The following TUBGCP2 variants were observed in gnomAD, a reference collection of about 807,000 sequenced individuals.
TUBGCP2 encodes gamma-tubulin complex component 2.
TUBGCP2 carries 55 observed loss-of-function variants against 92.2 expected under a neutral mutation model. The observed-to-expected ratio is 0.60, with a 90% CI of 0.48 to 0.75. TUBGCP2 has a LOEUF of 0.75. Among genes scored for constraint, TUBGCP2 ranks in the 30% least tolerant of loss-of-function variants. The pLI, the probability that TUBGCP2 is intolerant of heterozygous loss-of-function variation, is 0.00. For missense variants in TUBGCP2, 1,093 were observed against 1,188.9 expected, an observed-to-expected ratio of 0.92 and a Z score of 1.19; for synonymous variants, 533 against 505.2, an observed-to-expected ratio of 1.06 and a Z score of -0.74.
chr10:133,285,316 C>T lies in TUBGCP2; in HGVS notation c.1896-103G>A, dbSNP rs556248251. 87 of 1,590,978 alleles carry T rather than the reference C, an allele frequency of 5.5e-5. No homozygotes were observed. The highest frequency in any genetic ancestry group is 5.0e-4 in the Middle Eastern group (3 of 6,042). Reference sequence around the variant, plus strand: ...TCCGCACCGTGGCCCCCGGACAGCCCGTGAATCTCTCGGACACTGAAGGCC... The same window carrying T: ...TCCGCACCGTGGCCCCCGGACAGCCTGTGAATCTCTCGGACACTGAAGGCC... On this transcript the variant is annotated intron_variant, in intron 12 of 17. Transcript: ENST00000252936. This position sits in a 1 kb window ranked among gnomAD's most constrained non-coding sequence, Gnocchi z 6.8.
chr10:133,309,649 AAG>A (rs1385216709), upstream of TUBGCP2: 18 of 1,312,010 alleles, frequency 1.4e-5, no homozygotes, highest in Non-Finnish European at 1.8e-5. Context: ...AATTCATAAA[AAG>A]AGGGTTTGGG....
At chr10:133,292,939 C>T in intron 7 of TUBGCP2, 100 bp downstream of exon 7, 3 of 1,366,700 alleles carry the variant, frequency 2.2e-6, no homozygotes, top group Non-Finnish European at 3.0e-6. Flanking sequence ...CTGCCCTGGG[C>T]AGCTGCTCCA....
rs558014883 is a variant in TUBGCP2 at position 133,286,116 on chromosome 10, G to A, written c.1723-488C>T. The stretch of plus-strand genomic sequence containing the variant: ...AAAACCATCGCACAACGACAGGACA[G>A]GAAATGAAGGGCAGGGGATAAAGCA... On this transcript the variant is annotated intron_variant, in intron 11 of 17. Transcript: ENST00000252936. 1.2e-4 allele frequency among the ~76,000 whole-genome samples: 19 copies of A among 152,250 alleles called. No individual in the cohort carries two copies. The South Asian group carries it at 2.9e-3, about 23-fold the overall frequency.
upstream of TUBGCP2, chr10:133,312,228 G>GTCTGCGTTTCTAGCGTCACCTGTGCCA: frequency 1.5e-6 from 2 of 1,376,040 alleles, no homozygotes; most frequent in South Asian, 1.6e-5. Context: ...CACCTGTGCC[G>GTCTGCGTTTCTAGCGTCACCTGTGCCA]TCTGCCTTCC....
intron 8 of TUBGCP2, chr10:133,290,821 G>A (rs564458418): frequency 6.6e-5 from 10 of 152,478 alleles, no homozygotes; most frequent in African/African-American, 2.4e-4. Context: ...CGCACTTCAA[G>A]TGTGAAGGTG....
chr10:133,289,159 G>C, intron 9 of TUBGCP2, 139 bp from the exon 10 acceptor site: 1 of 984,736 alleles, frequency 1.0e-6, no homozygotes, highest in Admixed American at 2.8e-5. Flanking sequence ...AGCTGTCTTT[G>C]TCTACACAGA....
chr10:133,281,346 G>T lies in TUBGCP2; in HGVS notation c.2500C>A (p.Leu834Met). The T allele has an allele frequency of 6.2e-7, 1 of 1,613,758 alleles. No homozygotes were observed. Reference protein sequence around the residue: ...KFDKNFSAHLLDLLARLSIYS... With the variant: ...KFDKNFSAHLMDLLARLSIYS... ...ATGCTCAGCCGGGCCAGGAGGTCCA[G>T]CAGGTGGGCTGAGAAGTTCTTGTCA... The change falls in exon 17 of 18, where the codon CTG (leucine) becomes ATG (methionine). Residue 834 changes from leucine (L) to methionine (M), a missense_variant. Transcript: ENST00000252936.
At chr10:133,292,717 G>A in intron 7 of TUBGCP2, 29 bp from the exon 8 acceptor site, 1 of 1,599,744 alleles carries the variant, frequency 6.3e-7, no homozygotes, top group South Asian at 1.1e-5. Flanking sequence ...GCTCACTGCT[G>A]AGAAGGAAGC....
At position 133,290,025 on chromosome 10, in the gene TUBGCP2, C is replaced by T. The variant is rs576188406; in HGVS notation, c.1215-56G>A. 9.2e-5 allele frequency: 147 copies of T among 1,594,518 alleles called. No individual in the cohort carries two copies. The Middle Eastern group carries it at 1.5e-3, about 17-fold the overall frequency. ...GCAAAGCAAGGGCGCCTGAGGCAGG[C>T]GACACTTCTCCAGGCCGGCAGCGCG... On this transcript the variant is annotated intron_variant, in intron 8 of 17. Transcript: ENST00000252936.
rs112980465 is a variant in TUBGCP2, at chr10:133,282,280, G to A, written c.2352C>T (p.Thr784=). 57 of 1,607,016 alleles carry A rather than the reference G, an allele frequency of 3.5e-5. No individual in the cohort carries two copies. The highest frequency in any genetic ancestry group is 1.8e-4 in the Admixed American group (11 of 59,522). ...ELGGQTLEHS[T]VLGLPAGAEE... is the part of the protein sequence containing the mutation. Reference sequence around the variant, plus strand: ...CGGCCCCTGCGGGCAGCCCCAGGACGGTGCTGTGCTCCAGCGTCTGCCCGC... The same window carrying A: ...CGGCCCCTGCGGGCAGCCCCAGGACAGTGCTGTGCTCCAGCGTCTGCCCGC... The change falls in exon 16 of 18, where the codon ACC becomes ACT. Residue 784 remains threonine, a synonymous_variant. Coordinates refer to ENST00000252936, the MANE Select transcript of TUBGCP2 (RefSeq NM_006659.4).
chr10:133,281,012 G>A (rs1402521580), intron 17 of TUBGCP2, among the ~76,000 whole-genome samples: 1 of 148,908 alleles, frequency 6.7e-6, no homozygotes, highest in Admixed American at 6.7e-5. Flanking sequence ...GAGCCAGGGC[G>A]GTGCTGGGCA....
At chr10:133,280,047 A>G (rs893013839) in intron 17 of TUBGCP2, 146 bp from the exon 18 acceptor site, 7 of 1,331,970 alleles carry the variant, frequency 5.3e-6, no homozygotes, top group Non-Finnish European at 7.1e-6. Flanking sequence ...AGGACAGTGG[A>G]GCTGGGGCAC....
chr10:133,288,938 C>A lies in TUBGCP2; in HGVS notation c.1443G>T (p.Glu481Asp). 1 of 1,614,244 alleles carries A rather than the reference C, an allele frequency of 6.2e-7. No homozygotes were observed. The highest frequency in any genetic ancestry group is 8.5e-7 in the Non-Finnish European group (1 of 1,180,028). ...VAKEIIYTLK[E>D]RAYVEQIEKA... ...TCTCGATCTGCTCCACATACGCCCGCTCTTTTAACGTGTAGATGATCTCTT... is the reference window on the plus strand; with the variant it reads ...TCTCGATCTGCTCCACATACGCCCGATCTTTTAACGTGTAGATGATCTCTT... Residue 481 changes from glutamate (E) to aspartate (D), a missense_variant, in exon 10 of 18, where the codon GAG becomes GAT. Around this residue, in one of 3 missense-constraint regions of TUBGCP2, gnomAD observed 598 missense variants for 675.5 expected, o/e 0.89. Transcript: ENST00000252936.
At chr10:133,304,226 G>A in intron 1 of TUBGCP2, among the ~76,000 whole-genome samples, 1 of 152,190 alleles carries the variant, frequency 6.6e-6, no homozygotes, top group East Asian at 1.9e-4. Context: ...AGCTACTCGG[G>A]AGGCTGAGGT....
At chr10:133,287,860 GA>G (rs1274058692) in intron 11 of TUBGCP2, among the ~76,000 whole-genome samples, 1 of 152,190 alleles carries the variant, frequency 6.6e-6, no homozygotes, top group East Asian at 1.9e-4. Flanking sequence ...AGGGACACGT[GA>G]AAACAATTCC....
rs1374427589 is a variant in TUBGCP2 at position 133,295,498 on chromosome 10, T to G, written c.617-1729A>C. 2.6e-5 allele frequency: 4 copies of G among 152,368 alleles called. No homozygotes were observed. In the East Asian group the frequency reaches 7.7e-4, roughly 29 times the overall value. The allele number at this position is 152,368 out of a possible 1,614,324, so 9.4% of individuals were successfully genotyped here. ...CCTCCCCAATATTCAACATCCTCAG[T>G]GTCATCTCAACACCTGCGATGTCAC... On this transcript the variant is annotated intron_variant, in intron 5 of 17. Transcript: ENST00000252936.
rs772612623 is a variant in TUBGCP2, at chr10:133,281,255, G to C, written c.2573+18C>G. 1.9e-6 allele frequency: 3 copies of C among 1,606,782 alleles called. No homozygotes were observed. Among genetic ancestry groups the C allele is most frequent in the African/African-American group, 2.7e-5 (2 of 74,828 alleles). On this transcript the variant is annotated intron_variant, in intron 17 of 17. Coordinates refer to ENST00000252936, the MANE Select transcript of TUBGCP2 (RefSeq NM_006659.4). Reference sequence around the variant, plus strand: ...GACTGAGCTGAGGAAGGGCTGAGCCGGGGTGGCGCCCACCCACCTGGAGAT... The same window carrying C: ...GACTGAGCTGAGGAAGGGCTGAGCCCGGGTGGCGCCCACCCACCTGGAGAT...
intron 17 of TUBGCP2, among the ~76,000 whole-genome samples, chr10:133,280,537 C>T (rs1325683624): frequency 6.6e-6 from 1 of 152,230 alleles, no homozygotes; most frequent in Non-Finnish European, 1.5e-5. Flanking sequence ...GGAAGCTGAC[C>T]CAGGCCTGAT....
chr10:133,280,106 G>T (rs1342050438), intron 17 of TUBGCP2, among the ~76,000 whole-genome samples: 1 of 152,234 alleles, frequency 6.6e-6, no homozygotes, highest in Admixed American at 6.5e-5. Context: ...CTACCATGGG[G>T]AAGTGTTCAG....
Sources: gnomAD v4.1 joint callset for allele counts (sites outside exome capture counted in the v4.1 genomes callset) on GRCh38, gnomAD v4.1.1 for gene constraint, gnomAD v4.1.1 regional missense constraint, Gnocchi (gnomAD v3.1) non-coding constraint, MANE v1.5 for transcripts, NCBI Gene and HGNC (gene_info 2026-07-23, HGNC 2026-07-21) for gene names.